GRM8: variants seen among roughly 807,000 people sequenced by gnomAD.
The protein encoded by GRM8 is glutamate metabotropic receptor 8, also known as metabotropic glutamate receptor 8.
Under a neutral mutation model 87.2 loss-of-function variants are expected in GRM8, and 47 were observed. That is an observed-to-expected ratio of 0.54 (90% CI 0.43 to 0.69). The LOEUF (loss-of-function observed/expected upper bound fraction) is 0.69, where lower values mean the gene tolerates loss of function less well. Among genes scored for constraint, GRM8 ranks in the 30% least tolerant of loss-of-function variants. GRM8 has a pLI of 0.00. For missense variants in GRM8, 1,019 were observed against 1,139.2 expected (o/e 0.89, Z 1.52); for synonymous variants, 396 against 404.5 (o/e 0.98, Z 0.25).
At chr7:127,133,414 T>C (rs984230276) in intron 2 of GRM8, among the ~76,000 whole-genome samples, 1 of 150,388 alleles carries the variant, frequency 6.6e-6, no homozygotes, top group African/African-American at 2.5e-5. Flanking sequence ...TGAGAGTCTG[T>C]CTCAAAAAAA....
chr7:126,650,622 G>A (rs985739137), intron 7 of GRM8, among the ~76,000 whole-genome samples: 2 of 152,054 alleles, frequency 1.3e-5, no homozygotes, highest in Non-Finnish European at 2.9e-5. Context: ...AAGCATGATT[G>A]GAAAATTGGC....
intron 7 of GRM8, among the ~76,000 whole-genome samples, chr7:126,640,933 A>G (rs1802317265): frequency 6.6e-6 from 1 of 152,158 alleles, no homozygotes; most frequent in Admixed American, 6.5e-5. Context: ...TATGTCATTA[A>G]AAAGTGAATT....
intron 9 of GRM8, among the ~76,000 whole-genome samples, chr7:126,448,041 GC>G (rs1474971224): frequency 2.0e-5 from 3 of 151,888 alleles, no homozygotes; most frequent in Non-Finnish European, 4.4e-5. Context: ...ACATTCCTAA[GC>G]TTCCTAAGTA....
chr7:126,636,835 T>C (rs1027982246), intron 7 of GRM8, among the ~76,000 whole-genome samples: 7 of 152,114 alleles, frequency 4.6e-5, no homozygotes, highest in Non-Finnish European at 7.4e-5. Flanking sequence ...GGATGCCTTG[T>C]GACATTTTAT....
intron 9 of GRM8, among the ~76,000 whole-genome samples, chr7:126,484,882 G>GT (rs11444825): frequency 0.46 from 66,520 of 146,148 alleles, 15,239 homozygotes; most frequent in African/African-American, 0.55. Context: ...AACGTTTTTT[G>GT]TTTTTTTTTT....
rs368474810 is a variant in GRM8, at chr7:127,242,727, T to C, written c.478A>G (p.Ile160Val). Residue 160 changes from isoleucine to valine, a missense_variant, in exon 2 of 11, where the codon ATC becomes GTC. Coordinates refer to ENST00000339582, the MANE Select transcript of GRM8 (RefSeq NM_000845.3). The part of the protein sequence containing the change: ...VIGAAASSVS[I>V]MVANILRLFK... The stretch of plus-strand genomic sequence containing the variant: ...AGTCTTAAAATGTTAGCAACCATGA[T>C]GGACACGGAGCTTGCTGCAGCACCT... 5 of 1,614,206 alleles carry C rather than the reference T, an allele frequency of 3.1e-6. No homozygotes were observed. Among genetic ancestry groups the C allele is most frequent in the Non-Finnish European group, 4.2e-6 (5 of 1,180,032 alleles).
intron 7 of GRM8, among the ~76,000 whole-genome samples, chr7:126,619,681 G>A (rs2151135817): frequency 6.6e-6 from 1 of 151,986 alleles, no homozygotes; most frequent in East Asian, 1.9e-4. Context: ...ATTTTGATGT[G>A]TATTAATTTT....
chr7:126,519,165 T>G (rs1032516259), intron 9 of GRM8, among the ~76,000 whole-genome samples: 1 of 152,096 alleles, frequency 6.6e-6, no homozygotes. Context: ...AGAATTATGA[T>G]GATCTCTTCC....
intron 2 of GRM8, among the ~76,000 whole-genome samples, chr7:127,223,441 A>G (rs901304666): frequency 2.3e-4 from 25 of 109,584 alleles, no homozygotes; most frequent in African/African-American, 7.5e-4. Flanking sequence ...ACACACACAC[A>G]CGCACACACA....
At chr7:127,059,799 C>G (rs746406899) in intron 3 of GRM8, among the ~76,000 whole-genome samples, 1 of 152,168 alleles carries the variant, frequency 6.6e-6, no homozygotes. Flanking sequence ...TGTTCCTTCT[C>G]TCTTTGTAAC....
intron 6 of GRM8, among the ~76,000 whole-genome samples, chr7:126,880,941 G>T (rs1799966333): frequency 6.6e-6 from 1 of 152,148 alleles, no homozygotes; most frequent in African/African-American, 2.4e-5. Flanking sequence ...CTTCTCACCA[G>T]CCTAGTCTTT....
chr7:127,037,315 G>C (rs1468976485), intron 3 of GRM8, among the ~76,000 whole-genome samples: 1 of 152,088 alleles, frequency 6.6e-6, no homozygotes. Context: ...CATACACAAG[G>C]CTTCTGGTAT....
At chr7:127,006,741 C>A (rs1814350249) in intron 3 of GRM8, among the ~76,000 whole-genome samples, 1 of 151,956 alleles carries the variant, frequency 6.6e-6, no homozygotes, top group Admixed American at 6.6e-5. Context: ...TCAATATTCT[C>A]CAGAGTTCAG....
chr7:126,713,170 A>G (rs543075208), intron 7 of GRM8, among the ~76,000 whole-genome samples: 1 of 152,304 alleles, frequency 6.6e-6, no homozygotes, highest in East Asian at 1.9e-4. Context: ...AGTACTATTC[A>G]CAATAACAAA....
At chr7:126,699,939 T>C (rs1411171792) in intron 7 of GRM8, among the ~76,000 whole-genome samples, 1 of 152,174 alleles carries the variant, frequency 6.6e-6, no homozygotes, top group Non-Finnish European at 1.5e-5. Flanking sequence ...GATAAACTGA[T>C]TTTTTTCCAG....
intron 8 of GRM8, among the ~76,000 whole-genome samples, chr7:126,554,708 T>G (rs923080416): frequency 6.6e-6 from 1 of 152,100 alleles, no homozygotes; most frequent in African/African-American, 2.4e-5. Flanking sequence ...ATAGAAAGTA[T>G]AGTTAAACAA....
intron 7 of GRM8, among the ~76,000 whole-genome samples, chr7:126,615,252 G>A (rs1239883320): frequency 6.6e-6 from 1 of 152,108 alleles, no homozygotes; most frequent in East Asian, 1.9e-4. Context: ...TTTCAACCCA[G>A]AATTTCATAT....
chr7:126,527,596 C>A (rs553216181), intron 9 of GRM8, among the ~76,000 whole-genome samples: 82 of 152,244 alleles, frequency 5.4e-4, no homozygotes, highest in Admixed American at 1.0e-3. Context: ...ACACTATTTC[C>A]GCAGGATTTT....
At chr7:127,187,088 A>G (rs1288594519) in intron 2 of GRM8, among the ~76,000 whole-genome samples, 1 of 152,180 alleles carries the variant, frequency 6.6e-6, no homozygotes, top group South Asian at 2.1e-4. Flanking sequence ...CCTTCAATGC[A>G]TCCATCTCCT....
Sources: allele counts gnomAD v4.1 joint callset (sites outside exome capture counted in the v4.1 genomes callset), GRCh38; gene constraint gnomAD v4.1.1; transcripts MANE v1.5; gene names NCBI Gene and HGNC (gene_info 2026-07-23, HGNC 2026-07-21).